Variants in AIG1 observed in about 807,000 individuals in gnomAD.
AIG1 encodes androgen induced 1, also known as androgen-induced gene 1 protein.
Under a neutral mutation model 31.4 loss-of-function variants are expected in AIG1, and 23 were observed. The ratio of observed to expected loss-of-function variants is 0.73; its 90% CI spans 0.53 to 1.04. AIG1 has a LOEUF of 1.04. Ranked by LOEUF, AIG1 falls within the 50% of genes least tolerant of loss-of-function variation. AIG1 has a pLI of 0.00. For missense variants in AIG1, 274 were observed against 295.0 expected, an observed-to-expected ratio of 0.93 and a Z score of 0.52; for synonymous variants, 100 against 110.5, an observed-to-expected ratio of 0.90 and a Z score of 0.60.
At chr6:143,185,064 T>C (rs1789118447) in intron 3 of AIG1, among the ~76,000 whole-genome samples, 1 of 151,916 alleles carries the variant, frequency 6.6e-6, no homozygotes, top group South Asian at 2.1e-4. Context: ...GGTGTGGTGG[T>C]GCACGCCTGT....
At chr6:143,158,825 A>G (rs993235773) in intron 2 of AIG1, among the ~76,000 whole-genome samples, 2 of 152,208 alleles carry the variant, frequency 1.3e-5, no homozygotes, top group Admixed American at 1.3e-4. Flanking sequence ...CCTGTGGGAG[A>G]TGTGGAGTCT....
At chr6:143,209,524 C>T (rs1272546615) in intron 3 of AIG1, among the ~76,000 whole-genome samples, 1 of 152,108 alleles carries the variant, frequency 6.6e-6, no homozygotes, top group Non-Finnish European at 1.5e-5. Context: ...GTAAAAAAAA[C>T]TTCACTGGCC....
At chr6:143,309,450 G>A (rs77061988) in intron 4 of AIG1, among the ~76,000 whole-genome samples, 10,374 of 152,020 alleles carry the variant, frequency 0.068, 966 homozygotes, top group African/African-American at 0.21. Flanking sequence ...CAACTTATTA[G>A]CTGATTATAG....
At chr6:143,170,932 C>T (rs916664456) in intron 3 of AIG1, among the ~76,000 whole-genome samples, 2 of 151,356 alleles carry the variant, frequency 1.3e-5, no homozygotes, top group African/African-American at 4.8e-5. Flanking sequence ...AACAAAAAAA[C>T]AATGAAGGAA....
chr6:143,244,523 G>A (rs12205812), intron 3 of AIG1, among the ~76,000 whole-genome samples: 9,668 of 152,250 alleles, frequency 0.064, 678 homozygotes, highest in East Asian at 0.31. Context: ...CTCTGATAAC[G>A]TACTAAATGG....
intron 2 of AIG1, among the ~76,000 whole-genome samples, chr6:143,153,157 T>C (rs1399665611): frequency 6.6e-6 from 1 of 152,034 alleles, no homozygotes; most frequent in Non-Finnish European, 1.5e-5. Context: ...GAGAATATGA[T>C]AGGAGCCTAT....
chr6:143,301,803 A>G (rs1279602828), intron 4 of AIG1, among the ~76,000 whole-genome samples: 1 of 152,220 alleles, frequency 6.6e-6, no homozygotes, highest in African/African-American at 2.4e-5. Context: ...GAGCCAAACC[A>G]TATCAGACAG....
intron 3 of AIG1, among the ~76,000 whole-genome samples, chr6:143,243,773 T>A (rs1794423744): frequency 6.6e-6 from 1 of 152,248 alleles, no homozygotes; most frequent in African/African-American, 2.4e-5. Context: ...ACTGCCATAC[T>A]ACCACTGAGG....
chr6:143,188,054 T>C (rs1242297997), intron 3 of AIG1: 2 of 1,073,470 alleles, frequency 1.9e-6, no homozygotes, highest in African/African-American at 3.4e-5. Context: ...AAACATTTGC[T>C]GAAGGAGAGG....
chr6:143,255,237 T>C (rs1054383098), intron 3 of AIG1, among the ~76,000 whole-genome samples: 1 of 152,200 alleles, frequency 6.6e-6, no homozygotes, highest in Non-Finnish European at 1.5e-5. Context: ...AAAATGGTTC[T>C]TTCAGTTATG....
intron 3 of AIG1, among the ~76,000 whole-genome samples, chr6:143,195,442 C>T (rs1310775414): frequency 6.6e-6 from 1 of 152,164 alleles, no homozygotes; most frequent in East Asian, 1.9e-4. Context: ...AAACGTGACT[C>T]AGTGTTATCC....
chr6:143,177,969 G>A (rs1011587310), intron 3 of AIG1, among the ~76,000 whole-genome samples: 1 of 152,212 alleles, frequency 6.6e-6, no homozygotes, highest in Non-Finnish European at 1.5e-5. Context: ...GGAGCAGGTT[G>A]CCATCAGTGG....
Position 143,214,433 on chromosome 6 carries a change from G to A in AIG1, c.399+49250G>A, listed in dbSNP as rs569636161. On this transcript the variant is annotated intron_variant, in intron 3 of 5. Transcript: ENST00000357847. Reference sequence around the variant, plus strand: ...GCTATGAGGATTAAATGAAATCTAGGTTATTATTATTAGGCCTCTTTGCTA... The same window carrying A: ...GCTATGAGGATTAAATGAAATCTAGATTATTATTATTAGGCCTCTTTGCTA... Among the ~76,000 whole-genome samples, 105 of 152,286 alleles carry A rather than the reference G, an allele frequency of 6.9e-4. 1 individual carries two copies. In the South Asian group the frequency reaches 9.3e-3, roughly 14 times the overall value.
rs761440854 is a variant in AIG1 at position 143,280,316 on chromosome 6, T to C, written c.400-3794T>C. On this transcript the variant is annotated intron_variant, in intron 3 of 5. Transcript: ENST00000357847. This position sits in a 1 kb window ranked among gnomAD's most constrained non-coding sequence, Gnocchi z 4.1. The stretch of plus-strand genomic sequence containing the variant: ...CCCATTGTTGAAGGCAATATGACGA[T>C]TCCTCAAAGAGCTAAAAGTAGAACT... Among the ~76,000 whole-genome samples the C allele has an allele frequency of 3.2e-4, 49 of 152,204 alleles. No individual in the cohort carries two copies. The highest frequency in any genetic ancestry group is 1.2e-4 in the Non-Finnish European group (8 of 68,040).
chr6:143,080,306 C>T (rs547232311), intron 1 of AIG1, among the ~76,000 whole-genome samples: 161 of 152,186 alleles, frequency 1.1e-3, no homozygotes, highest in African/African-American at 3.3e-3. Context: ...TCCAGGGGTC[C>T]GCGGTAGATC....
At chr6:143,064,129 G>C (rs1006278416) in intron 1 of AIG1, among the ~76,000 whole-genome samples, 36 of 152,202 alleles carry the variant, frequency 2.4e-4, no homozygotes, top group Admixed American at 1.9e-3. Context: ...CTCATGCCAG[G>C]AACCTGTGAA....
chr6:143,085,259 T>C (rs1229751963), intron 1 of AIG1, among the ~76,000 whole-genome samples: 2 of 152,174 alleles, frequency 1.3e-5, no homozygotes, highest in Non-Finnish European at 2.9e-5. Flanking sequence ...AAATAGAACA[T>C]AGGGATGCCA....
At chr6:143,139,920 T>C (rs1482524932) in intron 2 of AIG1, among the ~76,000 whole-genome samples, 1 of 152,224 alleles carries the variant, frequency 6.6e-6, no homozygotes, top group Non-Finnish European at 1.5e-5. Context: ...AAAGTCATAT[T>C]TATACAATAT....
intron 1 of AIG1, among the ~76,000 whole-genome samples, chr6:143,065,654 T>C (rs980503995): frequency 2.3e-4 from 35 of 152,228 alleles, no homozygotes; most frequent in African/African-American, 7.5e-4. Context: ...TTTAAGTAAA[T>C]GGAAGCTTTC....
Sources: allele counts gnomAD v4.1 joint callset (sites outside exome capture counted in the v4.1 genomes callset), GRCh38; gene constraint gnomAD v4.1.1; non-coding constraint Gnocchi (gnomAD v3.1); transcripts MANE v1.5; gene names NCBI Gene and HGNC (gene_info 2026-07-23, HGNC 2026-07-21).